CCDC91: variants seen among roughly 807,000 people sequenced by gnomAD.
CCDC91 encodes the protein coiled-coil domain containing 91, also known as coiled-coil domain-containing protein 91.
CCDC91 carries 48 observed loss-of-function variants against 63.2 expected under a neutral mutation model. That is an observed-to-expected ratio of 0.76 (90% CI 0.60 to 0.97). The LOEUF is 0.97. CCDC91 is among the 50% of genes least tolerant of loss of function. The pLI, the probability that CCDC91 is intolerant of heterozygous loss-of-function variation, is 0.00. For synonymous variants in CCDC91, 167 were observed against 165.8 expected, an observed-to-expected ratio of 1.01 and a Z score of -0.06; for missense variants, 500 against 494.6, an observed-to-expected ratio of 1.01 and a Z score of -0.10.
At chr12:28,481,282 T>C (rs1239398454) in intron 11 of CCDC91, among the ~76,000 whole-genome samples, 2 of 152,006 alleles carry the variant, frequency 1.3e-5, no homozygotes, top group Non-Finnish European at 2.9e-5. Context: ...CTGGAAGCCA[T>C]CTAGTGGGTA....
chr12:28,283,103 T>G (rs142904512), intron 3 of CCDC91, among the ~76,000 whole-genome samples: 4 of 152,274 alleles, frequency 2.6e-5, no homozygotes, highest in African/African-American at 9.6e-5. Flanking sequence ...GCTGTTTTGG[T>G]TACTATAGCC....
In CCDC91 at chr12:28,437,628, A is replaced by G. The variant is rs187396368; in HGVS notation, c.763-12533A>G. 1.1e-3 allele frequency among the ~76,000 whole-genome samples: 170 copies of G among 152,214 alleles called. 2 individuals carry two copies. The highest frequency in any genetic ancestry group is 3.5e-3 in the African/African-American group (144 of 41,556). On this transcript the variant is annotated intron_variant, in intron 8 of 12. Transcript: ENST00000536442. The stretch of plus-strand genomic sequence containing the variant: ...CATTTAGACCATCCTGTGTCCAATA[A>G]ATATCTAGCTAAGGATGACAATTCA...
chr12:28,318,852 T>G (rs1241483210), intron 6 of CCDC91, among the ~76,000 whole-genome samples: 1 of 152,036 alleles, frequency 6.6e-6, no homozygotes, highest in South Asian at 2.1e-4. Flanking sequence ...GAGAATGTTT[T>G]TCTTCCGCCT....
chr12:28,400,508 A>G (rs997878683), intron 8 of CCDC91, among the ~76,000 whole-genome samples: 2 of 152,126 alleles, frequency 1.3e-5, no homozygotes, highest in Middle Eastern at 3.2e-3. Flanking sequence ...TACTTATGCA[A>G]ATTTCTGCTG....
chr12:28,438,004 T>C (rs897626612), intron 8 of CCDC91, among the ~76,000 whole-genome samples: 3 of 152,172 alleles, frequency 2.0e-5, no homozygotes, highest in Non-Finnish European at 4.4e-5. Flanking sequence ...ATACGTAGTA[T>C]TTTCTGATGA....
chr12:28,257,226 A>G lies in CCDC91; in HGVS notation c.11A>G (p.Asp4Gly). 1.2e-6 allele frequency: 2 copies of G among 1,610,962 alleles called. No homozygotes were observed. The highest frequency in any genetic ancestry group is 8.5e-7 in the Non-Finnish European group (1 of 1,177,476). The change falls in exon 2 of 13, where the codon GAT (aspartate) becomes GGT (glycine). Residue 4 changes from aspartate (D) to glycine (G), a missense_variant. By Grantham distance (94) the Asp-to-Gly change is moderately conservative (BLOSUM62 -1). Transcript: ENST00000536442. ...GGTGCCACTTGAAGAATGGATGATG[A>G]TGATTTTGGTGGTTTTGAGGTATGC... MDD[D>G]DFGGFEAAET...
intron 8 of CCDC91, among the ~76,000 whole-genome samples, chr12:28,448,368 C>T (rs1949639774): frequency 6.6e-6 from 1 of 152,142 alleles, no homozygotes. Flanking sequence ...TGTATTTTCT[C>T]AAGTGAATCT....
chr12:28,230,876 C>T (rs1229576773), intron 1 of CCDC91, among the ~76,000 whole-genome samples: 1 of 152,168 alleles, frequency 6.6e-6, no homozygotes, highest in Non-Finnish European at 1.5e-5. Flanking sequence ...CTGCCTGCCT[C>T]CACATCCCAA....
intron 1 of CCDC91, among the ~76,000 whole-genome samples, chr12:28,242,232 C>T (rs1945393972): frequency 2.0e-5 from 3 of 152,000 alleles, no homozygotes; most frequent in Non-Finnish European, 4.4e-5. Flanking sequence ...CTTCTTTATC[C>T]CTGTGGACAG....
At position 28,519,867 on chromosome 12, in the gene CCDC91, G is replaced by A. The variant is rs530629208; in HGVS notation, c.1216-29196G>A. On this transcript the variant is annotated intron_variant, in intron 12 of 12. Coordinates refer to ENST00000536442, the MANE Select transcript of CCDC91 (RefSeq NM_018318.5). ...AGTTTGCTGAGAATGATGGATACCA[G>A]CTTCATCCATGTCCCAACAAAGGAC... is the stretch of plus-strand genomic sequence containing the variant. Among the ~76,000 whole-genome samples the A allele has an allele frequency of 2.6e-3, 395 of 151,946 alleles. 1 individual carries two copies. Among genetic ancestry groups the A allele is most frequent in the South Asian group, 4.2e-3 (20 of 4,792 alleles).
At chr12:28,308,611 T>C (rs1232368274) in intron 6 of CCDC91, among the ~76,000 whole-genome samples, 2 of 152,012 alleles carry the variant, frequency 1.3e-5, no homozygotes, top group Non-Finnish European at 2.9e-5. Flanking sequence ...ATTTTTCTTT[T>C]TCCTAATGTC....
chr12:28,388,076 C>A (rs1170574802), intron 7 of CCDC91, among the ~76,000 whole-genome samples: 1 of 152,112 alleles, frequency 6.6e-6, no homozygotes, highest in African/African-American at 2.4e-5. Flanking sequence ...GCCATTCTTG[C>A]AGGAGTAAGA....
intron 3 of CCDC91, among the ~76,000 whole-genome samples, chr12:28,285,915 ATTAT>A (rs1387007040): frequency 6.6e-6 from 1 of 152,048 alleles, no homozygotes; most frequent in African/African-American, 2.4e-5. Context: ...AATCATTATA[ATTAT>A]TTATCATAAA....
At chr12:28,418,031 T>A (rs1947786250) in intron 8 of CCDC91, among the ~76,000 whole-genome samples, 1 of 152,166 alleles carries the variant, frequency 6.6e-6, no homozygotes, top group African/African-American at 2.4e-5. Context: ...AAAACATACA[T>A]GTGCAGCTTT....
chr12:28,548,002 G>A (rs1364965145), intron 12 of CCDC91, among the ~76,000 whole-genome samples: 1 of 152,036 alleles, frequency 6.6e-6, no homozygotes, highest in Non-Finnish European at 1.5e-5. Context: ...AACCTATAGG[G>A]AATGTGTTTG....
At chr12:28,464,192 C>T (rs1270587579) in intron 11 of CCDC91, among the ~76,000 whole-genome samples, 1 of 152,204 alleles carries the variant, frequency 6.6e-6, no homozygotes, top group Non-Finnish European at 1.5e-5. Flanking sequence ...TCAGTAGGAA[C>T]TTGAGTTCCC....
chr12:28,511,133 T>A (rs1402290210), intron 12 of CCDC91, among the ~76,000 whole-genome samples: 1 of 151,870 alleles, frequency 6.6e-6, no homozygotes, highest in Non-Finnish European at 1.5e-5. Context: ...CCAGGTCAAA[T>A]CTGTCTTCAG....
intron 7 of CCDC91, among the ~76,000 whole-genome samples, chr12:28,390,147 G>A (rs1433212160): frequency 6.6e-6 from 1 of 151,920 alleles, no homozygotes; most frequent in Non-Finnish European, 1.5e-5. Flanking sequence ...GCACAAGAAA[G>A]TTAGTTTGAA....
intron 3 of CCDC91, among the ~76,000 whole-genome samples, chr12:28,274,673 A>AT (rs1268836618): frequency 1.3e-5 from 2 of 152,044 alleles, no homozygotes; most frequent in African/African-American, 4.8e-5. Context: ...AATGCTTGTG[A>AT]TTTTTGTACA....
Sources: allele counts gnomAD v4.1 joint callset (sites outside exome capture counted in the v4.1 genomes callset), GRCh38; gene constraint gnomAD v4.1.1; transcripts MANE v1.5; gene names NCBI Gene and HGNC (gene_info 2026-07-23, HGNC 2026-07-21).